Variants in FANCA observed in about 807,000 individuals in gnomAD.
The protein encoded by FANCA is Fanconi anemia group A protein.
Under a neutral mutation model 194.3 loss-of-function variants are expected in FANCA, and 236 were observed. The observed-to-expected ratio is 1.21, with a 90% CI of 1.09 to 1.35. The LOEUF is 1.35. Among genes scored for constraint, FANCA ranks in the 40% most tolerant of loss-of-function variants. FANCA has a pLI of 0.00. For synonymous variants in FANCA, 1,014 were observed against 715.8 expected (o/e 1.42, Z -6.65); for missense variants, 2,628 against 1,813.9 (o/e 1.45, Z -8.15).
At chr16:89,763,677 A>G (rs1173706289) in intron 28 of FANCA, among the ~76,000 whole-genome samples, 3 of 151,964 alleles carry the variant, frequency 2.0e-5, no homozygotes, top group Admixed American at 6.6e-5. Context: ...AGTGGCTCAC[A>G]CCTGTAATCC....
intron 3 of FANCA, 98 bp from the exon 4 acceptor site, chr16:89,811,169 C>G (rs2040864463): frequency 6.6e-7 from 1 of 1,516,580 alleles, no homozygotes. Flanking sequence ...TAAGATGCAG[C>G]ACAAAAAAAA....
intron 14 of FANCA, among the ~76,000 whole-genome samples, chr16:89,790,244 A>G (rs1397923278): frequency 5.3e-5 from 8 of 151,928 alleles, no homozygotes; most frequent in Admixed American, 5.2e-4. Flanking sequence ...TCTACTAAAA[A>G]TTAGCCAGGT....
chr16:89,744,451 A>C (rs1003699262), intron 36 of FANCA, among the ~76,000 whole-genome samples: 2 of 152,100 alleles, frequency 1.3e-5, no homozygotes, highest in African/African-American at 2.4e-5. Flanking sequence ...GGACCCGTGA[A>C]TATCTGACTG....
At chr16:89,805,169 CG>C (rs1005662347) in intron 7 of FANCA, 110 bp downstream of exon 7, 3 of 823,666 alleles carry the variant, frequency 3.6e-6, no homozygotes, top group Non-Finnish European at 6.2e-6. Flanking sequence ...CAGGTTCCCA[CG>C]GCCACGGAGA....
rs74977201 is a variant in FANCA at position 89,738,666 on chromosome 16, C to T, written c.4303G>A (p.Ala1435Thr). ...RGDCDPEVSA[A>T]LQSRQQAAPD... The stretch of plus-strand genomic sequence containing the variant: ...GCAGCCTGCTGTCTGCTCTGGAGGG[C>T]GGCGCTCACCTCTGGGTCGCAGTCC... The change falls in exon 43 of 43, where the codon GCC becomes ACC. Residue 1435 changes from alanine to threonine, a missense_variant. By Grantham distance (58) the Ala-to-Thr change is moderately conservative. Coordinates refer to ENST00000389301, the MANE Select transcript of FANCA (RefSeq NM_000135.4). The T allele has an allele frequency of 3.1e-4, 507 of 1,613,026 alleles. 2 individuals carry two copies. The African/African-American group carries it at 6.0e-3, about 19-fold the overall frequency.
Position 89,739,067 on chromosome 16 carries a change from C to T in FANCA, c.4167+66G>A, listed in dbSNP as rs766314322. The stretch of plus-strand genomic sequence containing the variant: ...AGTCTGCATGCTGTGCCGGAACATT[C>T]TTTGGCAGAAGGAGCCTCCGGCTGG... On this transcript the variant is annotated intron_variant, in intron 41 of 42. Transcript: ENST00000389301. 10 of 1,613,846 alleles carry T rather than the reference C, an allele frequency of 6.2e-6. No homozygotes were observed. The African/African-American group carries it at 1.2e-4, about 19-fold the overall frequency.
rs2041138210 is a variant in FANCA, at chr16:89,816,550, C to T, written c.66G>A (p.Trp22Ter). ...GQDPGGRRRA[W>*]AELLAGRVKR... ...GCGCCCACCTACCCAGCAGCTCGGCCCAGGCCCTCCGGCGGCCCCCTGGGT... is the reference window on the plus strand; with the variant it reads ...GCGCCCACCTACCCAGCAGCTCGGCTCAGGCCCTCCGGCGGCCCCCTGGGT... Residue 22 changes from tryptophan (W) to a stop codon, truncating the protein, a stop_gained, in exon 1 of 43, where the codon TGG becomes TGA. Coordinates refer to ENST00000389301, the MANE Select transcript of FANCA (RefSeq NM_000135.4). LOFTEE classifies it high-confidence loss of function. 2 of 1,508,854 alleles carry T rather than the reference C, an allele frequency of 1.3e-6. No individual in the cohort carries two copies. The highest frequency in any genetic ancestry group is 1.8e-6 in the Non-Finnish European group (2 of 1,136,158). 93.5% of individuals were successfully genotyped at this position (1,508,854 alleles called of 1,614,324 possible). A position where few individuals can be genotyped will look rare whatever the true frequency, so the allele number is the denominator to read the frequency against.
intron 37 of FANCA, among the ~76,000 whole-genome samples, chr16:89,741,625 C>G (rs2062136241): frequency 6.6e-6 from 1 of 152,168 alleles, no homozygotes; most frequent in South Asian, 2.1e-4. Context: ...TTCCAGGGTG[C>G]AGCAACCAGG....
rs1018067067 is a variant in FANCA, at chr16:89,805,362, C to G, written c.627G>C (p.Trp209Cys). 2 of 1,614,028 alleles carry G rather than the reference C, an allele frequency of 1.2e-6. No individual in the cohort carries two copies. The highest frequency in any genetic ancestry group is 2.2e-5 in the South Asian group (2 of 91,072). The change falls in exon 7 of 43, where the codon TGG becomes TGC. Residue 209 changes from tryptophan (W) to cysteine (C), a missense_variant. Physicochemically the swap from Trp to Cys is radical, Grantham distance 215. Coordinates refer to ENST00000389301, the MANE Select transcript of FANCA (RefSeq NM_000135.4). ...AAAGGCAGCACAGATTCCTGAAGAG[C>G]CACGATCCCACAGCATGCATGTCGG... Reference protein sequence around the residue: ...SHPDMHAVGSWLFRNLCCLCE... With the variant: ...SHPDMHAVGSCLFRNLCCLCE...
chr16:89,813,778 G>C (rs1296814549), intron 3 of FANCA, among the ~76,000 whole-genome samples: 1 of 148,430 alleles, frequency 6.7e-6, no homozygotes, highest in Admixed American at 6.6e-5. Context: ...GTCTCCATAG[G>C]AAAGTTTTTT....
At chr16:89,802,971 G>A (rs1198142715) in intron 8 of FANCA, among the ~76,000 whole-genome samples, 9 of 152,282 alleles carry the variant, frequency 5.9e-5, no homozygotes, top group East Asian at 3.9e-4. Flanking sequence ...AAGTTCTAAT[G>A]TTCCACAGCA....
intron 22 of FANCA, 82 bp from the exon 23 acceptor site, chr16:89,771,896 G>T (rs187764693): frequency 1.4e-5 from 21 of 1,511,610 alleles, no homozygotes; most frequent in Non-Finnish European, 1.9e-5. Flanking sequence ...TCCGCCTCCC[G>T]TCAAGTACGA....
At chr16:89,769,695 G>C (rs2039253743) in intron 26 of FANCA, 142 bp downstream of exon 26, 1 of 885,662 alleles carries the variant, frequency 1.1e-6, no homozygotes, top group Non-Finnish European at 1.8e-6. Flanking sequence ...TAAAATTCTG[G>C]AAGGATATAT....
At chr16:89,752,678 T>C (rs923938716) in intron 30 of FANCA, among the ~76,000 whole-genome samples, 13 of 152,100 alleles carry the variant, frequency 8.5e-5, no homozygotes, top group East Asian at 5.8e-4. Context: ...CATACAGAGA[T>C]AGGAGCTGAG....
Position 89,810,920 on chromosome 16 carries a change from G to A in FANCA, c.426+9C>T. ...CGGGCAGGTTTCCTCATCTTTGCTG[G>A]TGTCTTACTCTCTGCTCCACAGTCA... On this transcript the variant is annotated intron_variant, in intron 4 of 42. Transcript: ENST00000389301. 6.2e-7 allele frequency: 1 copy of A among 1,614,126 alleles called. No homozygotes were observed.
chr16:89,804,542 T>G (rs889869136), intron 7 of FANCA, among the ~76,000 whole-genome samples: 2 of 151,976 alleles, frequency 1.3e-5, no homozygotes, highest in African/African-American at 2.4e-5. Context: ...CAACTACTCC[T>G]CAAGCTGGAC....
chr16:89,779,811 C>T (rs952789148), intron 18 of FANCA, 58 bp downstream of exon 18: 5 of 1,431,114 alleles, frequency 3.5e-6, no homozygotes, highest in Middle Eastern at 2.4e-4. Context: ...CTGCAGGCAT[C>T]AGAGCGCGGT....
Position 89,742,915 on chromosome 16 carries a change from G to C in FANCA, c.3650C>G (p.Ser1217Cys), listed in dbSNP as rs2062171853. The C allele has an allele frequency of 6.2e-7, 1 of 1,614,146 alleles. No individual in the cohort carries two copies. Among genetic ancestry groups the C allele is most frequent in the South Asian group, 1.1e-5 (1 of 91,088 alleles). The change falls in exon 37 of 43, where the codon TCC becomes TGC. Residue 1217 changes from serine to cysteine, a missense_variant. By Grantham distance (112) the Ser-to-Cys change is moderately radical (BLOSUM62 -1). Transcript: ENST00000389301. Reference protein sequence around the residue: ...ASDFLSPEAASPAPNPDWLSA... With the variant: ...ASDFLSPEAACPAPNPDWLSA... Reference sequence around the variant, plus strand: ...GAGCCAGTCCGGGTTGGGTGCTGGGGAGGCAGCCTCAGGGGAGAGGAAACT... The same window carrying C: ...GAGCCAGTCCGGGTTGGGTGCTGGGCAGGCAGCCTCAGGGGAGAGGAAACT...
intron 22 of FANCA, among the ~76,000 whole-genome samples, 168 bp downstream of exon 22, chr16:89,773,103 G>A (rs889639231): frequency 6.6e-6 from 1 of 152,150 alleles, no homozygotes; most frequent in Non-Finnish European, 1.5e-5. Flanking sequence ...CTTCCACCTT[G>A]TCTCAAAAAA....
Sources: allele counts gnomAD v4.1 joint callset (sites outside exome capture counted in the v4.1 genomes callset), GRCh38; gene constraint gnomAD v4.1.1; transcripts MANE v1.5; gene names NCBI Gene and HGNC (gene_info 2026-07-23, HGNC 2026-07-21).